The following ENTREP2 variants were observed in gnomAD, a reference collection of about 807,000 sequenced individuals.
The protein encoded by ENTREP2 is endosomal transmembrane epsin interactor 2.
At chr15:29,371,281 C>A in the ENTREP2 span, among the ~76,000 whole-genome samples, 1 of 151,598 alleles carries the variant, frequency 6.6e-6, no homozygotes, top group African/African-American at 2.4e-5. Context: ...CATTCTGGAC[C>A]ACGCATACTA....
chr15:29,536,908 A>G, the ENTREP2 span, among the ~76,000 whole-genome samples: 2 of 152,086 alleles, frequency 1.3e-5, no homozygotes, highest in Non-Finnish European at 2.9e-5. Flanking sequence ...GCCAGGAGAA[A>G]GGGGAGGAAG....
the ENTREP2 span, among the ~76,000 whole-genome samples, chr15:29,552,170 C>T: frequency 6.6e-6 from 1 of 152,214 alleles, no homozygotes; most frequent in South Asian, 2.1e-4. Context: ...ATTCATAAAC[C>T]TAGAAACAGA....
At chr15:29,220,433 T>A in the ENTREP2 span, among the ~76,000 whole-genome samples, 1 of 152,240 alleles carries the variant, frequency 6.6e-6, no homozygotes, top group African/African-American at 2.4e-5. Context: ...CTGGCCTTTA[T>A]GACCGATCAG....
chr15:29,416,476 C>T, the ENTREP2 span, among the ~76,000 whole-genome samples: 1 of 152,176 alleles, frequency 6.6e-6, no homozygotes, highest in Non-Finnish European at 1.5e-5. Context: ...CTCTTCCTTA[C>T]ACCTTATACA....
chr15:29,137,344 T>G, the ENTREP2 span: 1 of 744,418 alleles, frequency 1.3e-6, no homozygotes, highest in Non-Finnish European at 2.0e-6. Context: ...CACTTTAAAA[T>G]GAAGGCGCCA....
chr15:29,200,930 A>T, the ENTREP2 span, among the ~76,000 whole-genome samples: 1 of 152,078 alleles, frequency 6.6e-6, no homozygotes, highest in African/African-American at 2.4e-5. Context: ...CAATTTATTT[A>T]TTTCCTCATT....
chr15:29,277,257 G>A, the ENTREP2 span, among the ~76,000 whole-genome samples: 3 of 151,704 alleles, frequency 2.0e-5, no homozygotes, highest in African/African-American at 4.8e-5. Context: ...GGCAGGAATC[G>A]CTTGAACCCA....
At chr15:29,156,498 G>T in the ENTREP2 span, among the ~76,000 whole-genome samples, 2 of 151,350 alleles carry the variant, frequency 1.3e-5, 1 homozygote, top group African/African-American at 4.9e-5. Context: ...CATGCAACCT[G>T]TTTTGAGAAT....
the ENTREP2 span, among the ~76,000 whole-genome samples, chr15:29,629,960 T>C: frequency 0.05 from 7,523 of 151,898 alleles, 200 homozygotes; most frequent in Middle Eastern, 0.062. Context: ...CTACTAAAAA[T>C]ACAAAAATTG....
chr15:29,468,681 C>T, the ENTREP2 span, among the ~76,000 whole-genome samples: 1 of 149,986 alleles, frequency 6.7e-6, no homozygotes, highest in Admixed American at 6.6e-5. Context: ...CTAATTAAAT[C>T]TTTAATAGTG....
At chr15:29,309,465 C>T in the ENTREP2 span, among the ~76,000 whole-genome samples, 1 of 152,076 alleles carries the variant, frequency 6.6e-6, no homozygotes, top group Non-Finnish European at 1.5e-5. Flanking sequence ...TTCCCTGAAC[C>T]CTGGCTTTCT....
the ENTREP2 span, among the ~76,000 whole-genome samples, chr15:29,230,944 G>T: frequency 6.6e-6 from 1 of 152,148 alleles, no homozygotes; most frequent in Non-Finnish European, 1.5e-5. Context: ...TGCTGGTAGA[G>T]AATAGATTAT....
chr15:29,388,522 T>C, the ENTREP2 span, among the ~76,000 whole-genome samples: 6 of 152,216 alleles, frequency 3.9e-5, no homozygotes, highest in South Asian at 2.1e-4. Flanking sequence ...GTTGTGGGAC[T>C]GTAAACTAGT....
At chr15:29,430,869 A>G in the ENTREP2 span, among the ~76,000 whole-genome samples, 100 of 152,298 alleles carry the variant, frequency 6.6e-4, no homozygotes, top group African/African-American at 2.0e-3. Context: ...GCAGTGTCCA[A>G]TGAAACTGTG....
chr15:29,565,966 A>C, the ENTREP2 span, among the ~76,000 whole-genome samples: 1 of 151,526 alleles, frequency 6.6e-6, no homozygotes, highest in African/African-American at 2.4e-5. Context: ...GTCTCAAAAA[A>C]AAAAAGAAAG....
chr15:29,532,982 T>A, the ENTREP2 span, among the ~76,000 whole-genome samples: 1 of 152,212 alleles, frequency 6.6e-6, no homozygotes, highest in African/African-American at 2.4e-5. Flanking sequence ...AGACCCTCCA[T>A]GTGCTGGAGC....
At chr15:29,343,476 AC>A in the ENTREP2 span, among the ~76,000 whole-genome samples, 1 of 151,840 alleles carries the variant, frequency 6.6e-6, no homozygotes. Flanking sequence ...AAACCTCAAC[AC>A]CTACCTAACC....
chr15:29,475,607 A>G, the ENTREP2 span, among the ~76,000 whole-genome samples: 1 of 152,152 alleles, frequency 6.6e-6, no homozygotes, highest in Non-Finnish European at 1.5e-5. Flanking sequence ...GGGCAAAAGG[A>G]AGGGGACACC....
At chr15:29,613,225 T>C in the ENTREP2 span, 1 of 164,706 alleles carries the variant, frequency 6.1e-6, no homozygotes, top group Non-Finnish European at 1.3e-5. Context: ...AGCGTTTCTT[T>C]TCTGAAAAAC....
Sources: gnomAD v4.1 joint callset for allele counts (sites outside exome capture counted in the v4.1 genomes callset) on GRCh38, gnomAD v4.1.1 for gene constraint, MANE v1.5 for transcripts, NCBI Gene and HGNC (gene_info 2026-07-23, HGNC 2026-07-21) for gene names.